Variants in KPNA3 observed in about 807,000 individuals in gnomAD.
KPNA3 encodes karyopherin subunit alpha 3, also known as importin subunit alpha-4.
A neutral mutation model predicts 73.8 loss-of-function variants in KPNA3; 13 were observed. That is an observed-to-expected ratio of 0.18 (90% confidence interval 0.11 to 0.28). The LOEUF (loss-of-function observed/expected upper bound fraction) is 0.28, where lower values mean the gene tolerates loss of function less well. Among genes scored for constraint, KPNA3 ranks in the 10% least tolerant of loss-of-function variants. The probability of loss-of-function intolerance (pLI) is 1.00; values close to 1 mark genes in which losing one functional copy is unlikely to be tolerated. For synonymous variants in KPNA3, 186 were observed against 206.9 expected (o/e 0.90, Z 0.87); for missense variants, 360 against 618.1 (o/e 0.58, Z 4.43).
At chr13:49,714,935 A>G (rs1771333209) in intron 10 of KPNA3, among the ~76,000 whole-genome samples, 2 of 152,114 alleles carry the variant, frequency 1.3e-5, no homozygotes, top group African/African-American at 2.4e-5. Flanking sequence ...AGAAACTAAC[A>G]TATAATGATC....
chr13:49,704,471 A>G (rs1954186704), intron 15 of KPNA3, among the ~76,000 whole-genome samples: 1 of 118,982 alleles, frequency 8.4e-6, no homozygotes, highest in Non-Finnish European at 1.6e-5. Context: ...ATAAATAAAT[A>G]AATAAATAAA....
intron 9 of KPNA3, among the ~76,000 whole-genome samples, chr13:49,720,748 AAG>A (rs1491432725): frequency 2.6e-5 from 4 of 151,624 alleles, no homozygotes; most frequent in South Asian, 4.2e-4. Context: ...AAAAAAAAAA[AAG>A]AGATAACACA....
intron 1 of KPNA3, among the ~76,000 whole-genome samples, chr13:49,749,099 A>G (rs1020256918): frequency 6.6e-6 from 1 of 152,216 alleles, no homozygotes; most frequent in Non-Finnish European, 1.5e-5. Context: ...TGCATAACAA[A>G]AAGATCCAGG....
intron 1 of KPNA3, among the ~76,000 whole-genome samples, chr13:49,783,750 A>C (rs1245432285): frequency 6.6e-6 from 1 of 152,106 alleles, no homozygotes; most frequent in Admixed American, 6.6e-5. Flanking sequence ...TTCATGTCCC[A>C]TTTCCCCCAA....
intron 1 of KPNA3, among the ~76,000 whole-genome samples, chr13:49,754,851 A>C (rs1016001901): frequency 1.3e-5 from 2 of 152,182 alleles, no homozygotes; most frequent in Non-Finnish European, 2.9e-5. Flanking sequence ...TAATTTGAAT[A>C]ACGCTGTTAA....
intron 1 of KPNA3, among the ~76,000 whole-genome samples, chr13:49,752,203 T>TA (rs1173913238): frequency 6.6e-6 from 1 of 151,956 alleles, no homozygotes; most frequent in Non-Finnish European, 1.5e-5. Context: ...ATCAAAGAAC[T>TA]AAAATCCTCT....
chr13:49,728,479 A>G (rs542238987), intron 6 of KPNA3, among the ~76,000 whole-genome samples: 43 of 152,360 alleles, frequency 2.8e-4, no homozygotes, highest in African/African-American at 9.9e-4. Flanking sequence ...TTGTGCCCAG[A>G]TAAGCCGTAG....
At chr13:49,740,997 A>G (rs1372577188) in intron 2 of KPNA3, among the ~76,000 whole-genome samples, 1 of 152,190 alleles carries the variant, frequency 6.6e-6, no homozygotes, top group African/African-American at 2.4e-5. Context: ...TTAAGGCTAA[A>G]AAGTATTCCA....
At position 49,711,421 on chromosome 13, in the gene KPNA3, A is replaced by G. The variant is rs1018446606; in HGVS notation, c.772-399T>C. Among the ~76,000 whole-genome samples, 9 of 152,390 alleles carry G rather than the reference A, an allele frequency of 5.9e-5. No individual in the cohort carries two copies. In the South Asian group the frequency reaches 1.9e-3, roughly 32 times the overall value. ...TACTGTTTCAAGTTCAGAAGAGAAC[A>G]GAAAGGTCATCTATTTACTCTACTG... On this transcript the variant is annotated intron_variant, in intron 10 of 16. Coordinates refer to ENST00000261667, the MANE Select transcript of KPNA3 (RefSeq NM_002267.4).
At chr13:49,707,283 T>C (rs1359871367) in intron 12 of KPNA3, among the ~76,000 whole-genome samples, 1 of 152,226 alleles carries the variant, frequency 6.6e-6, no homozygotes, top group Non-Finnish European at 1.5e-5. Context: ...CATGTGTATC[T>C]TCCTCTTCCA....
At chr13:49,732,929 A>C in intron 3 of KPNA3, 28 bp downstream of exon 3, 1 of 1,487,060 alleles carries the variant, frequency 6.7e-7, no homozygotes, top group Non-Finnish European at 9.3e-7. Flanking sequence ...AATTATTTTA[A>C]AATCACTATT....
At chr13:49,759,247 A>G (rs1360822717) in intron 1 of KPNA3, among the ~76,000 whole-genome samples, 1 of 152,230 alleles carries the variant, frequency 6.6e-6, no homozygotes, top group Admixed American at 6.5e-5. Flanking sequence ...AGAATCAAGC[A>G]TTTATTTTAC....
intron 1 of KPNA3, among the ~76,000 whole-genome samples, chr13:49,763,661 G>A (rs1179896644): frequency 6.6e-6 from 1 of 152,226 alleles, no homozygotes; most frequent in African/African-American, 2.4e-5. Flanking sequence ...CTGGCCAGGT[G>A]CAGTGCCTCA....
At chr13:49,755,289 A>C (rs1019824932) in intron 1 of KPNA3, among the ~76,000 whole-genome samples, 1 of 152,178 alleles carries the variant, frequency 6.6e-6, no homozygotes, top group African/African-American at 2.4e-5. Flanking sequence ...AAAAATGACA[A>C]AATTCAACAT....
At chr13:49,749,881 G>C (rs1954647873) in intron 1 of KPNA3, among the ~76,000 whole-genome samples, 1 of 152,120 alleles carries the variant, frequency 6.6e-6, no homozygotes, top group Non-Finnish European at 1.5e-5. Flanking sequence ...CCATACCTAA[G>C]TACCTCTGAG....
chr13:49,719,752 A>G (rs767710360), intron 10 of KPNA3, 23 bp downstream of exon 10: 6 of 1,573,228 alleles, frequency 3.8e-6, no homozygotes, highest in Non-Finnish European at 5.2e-6. Flanking sequence ...AAAATCCCAC[A>G]TTTAAGCTGC....
Position 49,710,958 on chromosome 13 carries a change from A to G in KPNA3, c.836T>C (p.Met279Thr), listed in dbSNP as rs1954254665. Residue 279 changes from methionine (M) to threonine (T), a missense_variant, in exon 11 of 17, where the codon ATG (methionine) becomes ACG (threonine). Coordinates refer to ENST00000261667, the MANE Select transcript of KPNA3 (RefSeq NM_002267.4). ...LTDGGNEQIQ[M>T]VIDSGVVPFL... The stretch of plus-strand genomic sequence containing the variant: ...GGGCACAACTCCTGAATCAATAACC[A>G]TCTGTATCTGTTCATTACCTCCATC... The G allele has an allele frequency of 1.9e-6, 3 of 1,613,722 alleles. No homozygotes were observed. The highest frequency in any genetic ancestry group is 2.5e-6 in the Non-Finnish European group (3 of 1,179,680).
chr13:49,778,806 CTG>C, intron 1 of KPNA3, among the ~76,000 whole-genome samples: 1 of 152,228 alleles, frequency 6.6e-6, no homozygotes, highest in South Asian at 2.1e-4. Context: ...TGAGGTCTCA[CTG>C]TATTGCCTAG....
chr13:49,719,651 C>T, intron 10 of KPNA3, 124 bp downstream of exon 10: 4 of 723,382 alleles, frequency 5.5e-6, no homozygotes, highest in Non-Finnish European at 9.5e-6. Flanking sequence ...AATCCTATTT[C>T]TGAAAACTGT....
Sources: allele counts gnomAD v4.1 joint callset (sites outside exome capture counted in the v4.1 genomes callset), GRCh38; gene constraint gnomAD v4.1.1; transcripts MANE v1.5; gene names NCBI Gene and HGNC (gene_info 2026-07-23, HGNC 2026-07-21).